ME1: variants seen among roughly 807,000 people sequenced by gnomAD.
ME1 encodes the protein NADP-dependent malic enzyme.
ME1 carries 74 observed loss-of-function variants against 66.4 expected under a neutral mutation model. The ratio of observed to expected loss-of-function variants is 1.11; its 90% CI spans 0.92 to 1.35. The LOEUF is 1.35. Among genes scored for constraint, ME1 ranks in the 40% most tolerant of loss-of-function variants. The probability of loss-of-function intolerance (pLI) is 0.00; values close to 1 mark genes in which losing one functional copy is unlikely to be tolerated. For synonymous variants in ME1, 251 were observed against 235.6 expected (o/e 1.07, Z -0.60); for missense variants, 750 against 694.1 (o/e 1.08, Z -0.90).
intron 1 of ME1, among the ~76,000 whole-genome samples, chr6:83,428,022 A>C (rs1770405702): frequency 6.6e-6 from 1 of 152,044 alleles, no homozygotes; most frequent in East Asian, 1.9e-4. Context: ...AAAAAAAAAA[A>C]AAGGAAAATA....
intron 3 of ME1, chr6:83,392,760 A>T (rs1583414421): frequency 1.5e-6 from 1 of 664,812 alleles, no homozygotes; most frequent in East Asian, 3.6e-5. Flanking sequence ...TGGAGGGAGG[A>T]GCCAAAACGG....
In ME1 at chr6:83,411,542, A is replaced by G. The variant is rs563868336; in HGVS notation, c.79-3641T>C. ...TTCTATTTTTCATACTAACAGAGACATATTCATTAGAGATATATTTTGTAG... is the reference window on the plus strand; with the variant it reads ...TTCTATTTTTCATACTAACAGAGACGTATTCATTAGAGATATATTTTGTAG... On this transcript the variant is annotated intron_variant, in intron 1 of 13. Coordinates refer to ENST00000369705, the MANE Select transcript of ME1 (RefSeq NM_002395.6). Among the ~76,000 whole-genome samples, 3 of 152,338 alleles carry G rather than the reference A, an allele frequency of 2.0e-5. No individual in the cohort carries two copies. In the South Asian group the frequency reaches 6.2e-4, roughly 32 times the overall value.
intron 6 of ME1, among the ~76,000 whole-genome samples, chr6:83,294,965 C>T (rs1232742499): frequency 4.6e-5 from 7 of 152,118 alleles, no homozygotes; most frequent in Admixed American, 6.6e-5. Flanking sequence ...TGTGCAGCCC[C>T]GGAGTGCCAC....
chr6:83,217,701 G>A (rs774442892), intron 12 of ME1, among the ~76,000 whole-genome samples: 7 of 152,160 alleles, frequency 4.6e-5, no homozygotes, highest in Non-Finnish European at 1.0e-4. Flanking sequence ...AAAGCCTGGA[G>A]TTAGACAAAC....
intron 1 of ME1, among the ~76,000 whole-genome samples, chr6:83,424,389 GAAT>G (rs1237454740): frequency 1.3e-5 from 2 of 151,944 alleles, no homozygotes; most frequent in Non-Finnish European, 2.9e-5. Flanking sequence ...AATCAAAATG[GAAT>G]AATAAAAATA....
chr6:83,284,020 C>G (rs1408819010), intron 6 of ME1, among the ~76,000 whole-genome samples: 2 of 151,992 alleles, frequency 1.3e-5, no homozygotes, highest in Admixed American at 1.3e-4. Flanking sequence ...CAAGAAGAAC[C>G]AAATACGCAC....
chr6:83,371,802 C>G (rs1298981712), intron 3 of ME1, among the ~76,000 whole-genome samples: 2 of 152,152 alleles, frequency 1.3e-5, no homozygotes, highest in African/African-American at 4.8e-5. Flanking sequence ...TAGTTTCCTT[C>G]AAGTCTAGCA....
chr6:83,229,902 A>G lies in ME1; in HGVS notation c.1027-971T>C, dbSNP rs566816995. 3.3e-5 allele frequency among the ~76,000 whole-genome samples: 5 copies of G among 152,286 alleles called. No individual in the cohort carries two copies. In the South Asian group the frequency reaches 8.3e-4, roughly 25 times the overall value. On this transcript the variant is annotated intron_variant, in intron 9 of 13. Transcript: ENST00000369705. Reference sequence around the variant, plus strand: ...AGTGCTGTGGATCAGAGGTCACTGCAGCCTTGAACTCCTGGGGTCAAGGGA... The same window carrying G: ...AGTGCTGTGGATCAGAGGTCACTGCGGCCTTGAACTCCTGGGGTCAAGGGA...
intron 3 of ME1, among the ~76,000 whole-genome samples, chr6:83,363,512 A>G (rs1178341348): frequency 6.6e-6 from 1 of 152,220 alleles, no homozygotes; most frequent in Non-Finnish European, 1.5e-5. Flanking sequence ...CAACAGCCCA[A>G]TCCAGGCAGG....
intron 3 of ME1, among the ~76,000 whole-genome samples, chr6:83,378,715 C>CAGAT (rs1172926920): frequency 6.7e-6 from 1 of 149,320 alleles, no homozygotes; most frequent in Non-Finnish European, 1.5e-5. Flanking sequence ...TGGCAGTTAG[C>CAGAT]AGATACTTGG....
chr6:83,387,866 A>C (rs1289849096), intron 3 of ME1, among the ~76,000 whole-genome samples: 2 of 152,106 alleles, frequency 1.3e-5, no homozygotes, highest in African/African-American at 4.8e-5. Context: ...GACATTGCCA[A>C]AATCAAAACA....
At chr6:83,300,563 CA>C (rs1394634357) in intron 6 of ME1, among the ~76,000 whole-genome samples, 1 of 149,156 alleles carries the variant, frequency 6.7e-6, no homozygotes, top group African/African-American at 2.5e-5. Flanking sequence ...AAAAAGTAGG[CA>C]AAGGACATCA....
intron 6 of ME1, among the ~76,000 whole-genome samples, chr6:83,275,324 A>G (rs899316720): frequency 1.4e-5 from 2 of 146,366 alleles, no homozygotes; most frequent in Non-Finnish European, 3.0e-5. Context: ...ACAGAGTGAG[A>G]CTCAGTCTCA....
At chr6:83,365,637 A>C (rs1303384819) in intron 3 of ME1, among the ~76,000 whole-genome samples, 1 of 152,156 alleles carries the variant, frequency 6.6e-6, no homozygotes, top group Non-Finnish European at 1.5e-5. Flanking sequence ...AAATGGGAGG[A>C]TCACTTGAGG....
chr6:83,404,944 G>A (rs1451612005), intron 2 of ME1, among the ~76,000 whole-genome samples: 1 of 152,160 alleles, frequency 6.6e-6, no homozygotes, highest in Non-Finnish European at 1.5e-5. Context: ...GTAGCATGAT[G>A]CTTCCAGCTT....
At chr6:83,405,782 C>T (rs368726564) in intron 2 of ME1, among the ~76,000 whole-genome samples, 36 of 140,272 alleles carry the variant, frequency 2.6e-4, no homozygotes, top group African/African-American at 8.0e-4. Context: ...AGTGCAGTGG[C>T]GGGATCTCGG....
chr6:83,420,695 T>C (rs1583427765), intron 1 of ME1, among the ~76,000 whole-genome samples: 1 of 152,182 alleles, frequency 6.6e-6, no homozygotes. Flanking sequence ...GTTATAGCAA[T>C]ATCTGCAAGG....
rs1308531618 is a variant in ME1, at chr6:83,255,836, A to G, written c.705-2098T>C. Reference sequence around the variant, plus strand: ...CTTACTCTTCACAACCACTCTATGAAGTAAGCACTATTATTATTCTCATCC... The same window carrying G: ...CTTACTCTTCACAACCACTCTATGAGGTAAGCACTATTATTATTCTCATCC... On this transcript the variant is annotated intron_variant, in intron 6 of 13. Coordinates refer to ENST00000369705, the MANE Select transcript of ME1 (RefSeq NM_002395.6). 2.0e-5 allele frequency among the ~76,000 whole-genome samples: 3 copies of G among 152,122 alleles called. No individual in the cohort carries two copies. In the East Asian group the frequency reaches 5.8e-4, roughly 29 times the overall value.
At chr6:83,277,539 A>G (rs1162730041) in intron 6 of ME1, among the ~76,000 whole-genome samples, 1 of 152,210 alleles carries the variant, frequency 6.6e-6, no homozygotes, top group Non-Finnish European at 1.5e-5. Context: ...GTAACAAAAC[A>G]TGGGGAAAGG....
Sources: allele counts gnomAD v4.1 joint callset (sites outside exome capture counted in the v4.1 genomes callset), GRCh38; gene constraint gnomAD v4.1.1; transcripts MANE v1.5; gene names NCBI Gene and HGNC (gene_info 2026-07-23, HGNC 2026-07-21).